The following PTPRQ variants were observed in gnomAD, a reference collection of about 807,000 sequenced individuals.
PTPRQ encodes phosphatidylinositol phosphatase PTPRQ.
PTPRQ carries 199 observed loss-of-function variants against 246.0 expected under a neutral mutation model. The observed-to-expected ratio is 0.81, with a 90% CI of 0.72 to 0.91. The LOEUF (loss-of-function observed/expected upper bound fraction) is 0.91, where lower values mean the gene tolerates loss of function less well. Ranked by LOEUF, PTPRQ falls within the 40% of genes least tolerant of loss-of-function variation. The pLI is 0.00. For synonymous variants in PTPRQ, 869 were observed against 853.2 expected, an observed-to-expected ratio of 1.02 and a Z score of -0.32; for missense variants, 2,624 against 2,528.4, an observed-to-expected ratio of 1.04 and a Z score of -0.81.
At chr12:80,545,478 A>T (rs1218595972) in intron 23 of PTPRQ, among the ~76,000 whole-genome samples, 2 of 152,104 alleles carry the variant, frequency 1.3e-5, no homozygotes, top group African/African-American at 2.4e-5. Context: ...CTACATTTAT[A>T]TCACATAGGA....
At chr12:80,601,439 C>T (rs1353556964) in intron 26 of PTPRQ, among the ~76,000 whole-genome samples, 2 of 151,724 alleles carry the variant, frequency 1.3e-5, no homozygotes, top group Non-Finnish European at 2.9e-5. Flanking sequence ...GCTTTTTGTC[C>T]TCTTAGTGCC....
intron 38 of PTPRQ, among the ~76,000 whole-genome samples, chr12:80,654,508 T>C (rs374468167): frequency 3.3e-4 from 50 of 152,130 alleles, no homozygotes; most frequent in African/African-American, 1.2e-3. Context: ...TACTGTAATC[T>C]GATTAAGGGA....
rs1230163563 is a variant in PTPRQ at position 80,483,197 on chromosome 12, T to TA, written c.1187-1230dup. Reference sequence around the variant, plus strand: ...TACACCATGGAATACTATGCAGCCATAAAAAATGATGAGTTCATGTCCTTT... The same window carrying TA: ...TACACCATGGAATACTATGCAGCCATAAAAAAATGATGAGTTCATGTCCTTT... On this transcript the variant is annotated intron_variant, in intron 8 of 44. Transcript: ENST00000644991. 3.2e-5 allele frequency among the ~76,000 whole-genome samples: 4 copies of TA among 124,742 alleles called. No homozygotes were observed. In the East Asian group the frequency reaches 8.9e-4, roughly 28 times the overall value. The allele number at this position is 124,742 out of a possible 152,430, so 81.8% of individuals were successfully genotyped here. A position where few individuals can be genotyped will look rare whatever the true frequency, so the allele number is the denominator to read the frequency against.
At chr12:80,650,835 A>ATATAT (rs2307919) in intron 37 of PTPRQ, among the ~76,000 whole-genome samples, 51,545 of 151,584 alleles carry the variant, frequency 0.34, 14,063 homozygotes, top group African/African-American at 0.76. Flanking sequence ...ACATTTTCAC[A>ATATAT]TATATGAGAA....
intron 26 of PTPRQ, among the ~76,000 whole-genome samples, chr12:80,598,225 CGGTTA>C (rs1898032259): frequency 6.6e-6 from 1 of 151,862 alleles, no homozygotes; most frequent in Middle Eastern, 3.2e-3. Context: ...CACCACCTTG[CGGTTA>C]GGAAATCTAA....
intron 30 of PTPRQ, among the ~76,000 whole-genome samples, chr12:80,617,391 G>A (rs1309597437): frequency 1.3e-5 from 2 of 151,336 alleles, no homozygotes; most frequent in Non-Finnish European, 3.0e-5. Context: ...CTCTTTATAA[G>A]TGTTTGATTT....
intron 25 of PTPRQ, among the ~76,000 whole-genome samples, chr12:80,570,228 A>T (rs962507147): frequency 6.6e-6 from 1 of 152,178 alleles, no homozygotes; most frequent in Non-Finnish European, 1.5e-5. Flanking sequence ...GTTTCTCCAC[A>T]TCCTCTCCAG....
At chr12:80,471,305 C>T (rs932799156) in intron 7 of PTPRQ, among the ~76,000 whole-genome samples, 5 of 151,732 alleles carry the variant, frequency 3.3e-5, no homozygotes, top group Non-Finnish European at 2.9e-5. Context: ...AAACAGTGTT[C>T]TCAGGAAAGA....
chr12:80,557,394 G>A (rs563960544), intron 25 of PTPRQ, among the ~76,000 whole-genome samples: 1 of 151,346 alleles, frequency 6.6e-6, no homozygotes, highest in African/African-American at 2.4e-5. Flanking sequence ...GCTGCATGGG[G>A]ACAGAGATTT....
At chr12:80,599,777 T>G (rs1008163611) in intron 26 of PTPRQ, among the ~76,000 whole-genome samples, 5 of 151,382 alleles carry the variant, frequency 3.3e-5, no homozygotes, top group Non-Finnish European at 5.9e-5. Flanking sequence ...GTTCTAAATA[T>G]TTCTCTTAAA....
At chr12:80,480,262 C>G (rs1366579180) in intron 8 of PTPRQ, among the ~76,000 whole-genome samples, 2 of 152,114 alleles carry the variant, frequency 1.3e-5, no homozygotes, top group Non-Finnish European at 2.9e-5. Flanking sequence ...ACAACCTGCT[C>G]CTGAATGACT....
intron 17 of PTPRQ, among the ~76,000 whole-genome samples, chr12:80,532,854 CA>C (rs1309064488): frequency 6.6e-6 from 1 of 152,098 alleles, no homozygotes; most frequent in Non-Finnish European, 1.5e-5. Context: ...TTTCAGAAAA[CA>C]AAACTTATAT....
At chr12:80,630,841 C>G (rs1490423899) in intron 33 of PTPRQ, among the ~76,000 whole-genome samples, 1 of 152,026 alleles carries the variant, frequency 6.6e-6, no homozygotes, top group Non-Finnish European at 1.5e-5. Flanking sequence ...CTCAGCCTAC[C>G]GAGTAGCTGG....
chr12:80,532,068 T>C (rs4525304), intron 17 of PTPRQ, among the ~76,000 whole-genome samples: 53,415 of 151,916 alleles, frequency 0.35, 11,706 homozygotes, highest in African/African-American at 0.62. Flanking sequence ...TAGATACTTA[T>C]GTACAAGATT....
rs1369559591 is a variant in PTPRQ, at chr12:80,546,547, G to T, written c.3874-9G>T. ...TGCATTAACTAATAACTTTTTTTCT[G>T]TTTTTCAGAATATATCAGGATTTAA... On this transcript the variant is annotated splice_polypyrimidine_tract_variant and intron_variant, in intron 23 of 44. Coordinates refer to ENST00000644991, the MANE Select transcript of PTPRQ (RefSeq NM_001145026.2). 3.3e-6 allele frequency: 5 copies of T among 1,531,742 alleles called. No homozygotes were observed. The Admixed American group carries it at 6.6e-5, about 20-fold the overall frequency. The allele number at this position is 1,531,742 out of a possible 1,614,324, so 94.9% of individuals were successfully genotyped here.
At chr12:80,569,519 C>T (rs1292341747) in intron 25 of PTPRQ, among the ~76,000 whole-genome samples, 5 of 150,702 alleles carry the variant, frequency 3.3e-5, no homozygotes, top group African/African-American at 9.8e-5. Context: ...TGCACATGTA[C>T]CCTAAAACTT....
intron 26 of PTPRQ, among the ~76,000 whole-genome samples, chr12:80,590,678 A>C (rs1269174828): frequency 1.3e-5 from 2 of 151,476 alleles, no homozygotes; most frequent in East Asian, 1.9e-4. Context: ...AAAAAAAAAA[A>C]AAAAAAAAAA....
chr12:80,629,707 C>T lies in PTPRQ; in HGVS notation c.5687-2485C>T, dbSNP rs36085140. ...TAAGCAGAGAAATAATGTTTTAAAA[C>T]GATTGTCCTTGCTTGTATGTTGAAA... On this transcript the variant is annotated intron_variant, in intron 33 of 44. Transcript: ENST00000644991. 6.7e-3 allele frequency among the ~76,000 whole-genome samples: 1,026 copies of T among 152,098 alleles called. 7 individuals carry two copies. The highest frequency in any genetic ancestry group is 0.01 in the Non-Finnish European group (709 of 67,988).
intron 23 of PTPRQ, 53 bp downstream of exon 23, chr12:80,542,934 A>T: frequency 8.1e-7 from 1 of 1,240,700 alleles, no homozygotes; most frequent in Non-Finnish European, 1.1e-6. Flanking sequence ...AAATTGAATT[A>T]AAATCTTTTG....
Sources: allele counts gnomAD v4.1 joint callset (sites outside exome capture counted in the v4.1 genomes callset), GRCh38; gene constraint gnomAD v4.1.1; transcripts MANE v1.5; gene names NCBI Gene and HGNC (gene_info 2026-07-23, HGNC 2026-07-21).